MON2: variants seen among roughly 807,000 people sequenced by gnomAD.
The protein encoded by MON2 is MON2 regulator of endosome-to-Golgi trafficking.
In MON2, 84 loss-of-function variants were observed where a neutral mutation model predicts 208.6. The observed-to-expected ratio is 0.40, with a 90% CI of 0.34 to 0.48. The LOEUF is 0.48. Among genes scored for constraint, MON2 ranks in the 20% least tolerant of loss-of-function variants. The pLI, the probability that MON2 is intolerant of heterozygous loss-of-function variation, is 0.59. For missense variants in MON2, 1,611 were observed against 2,015.4 expected, an observed-to-expected ratio of 0.80 and a Z score of 3.84; for synonymous variants, 660 against 694.0, an observed-to-expected ratio of 0.95 and a Z score of 0.77.
chr12:62,535,812 G>C, intron 14 of MON2, 103 bp downstream of exon 14: 1 of 693,374 alleles, frequency 1.4e-6, no homozygotes, highest in Non-Finnish European at 2.0e-6. Flanking sequence ...TTCACATACT[G>C]ACTGTGTGAC....
chr12:62,492,495 C>T lies in MON2; in HGVS notation c.176-1420C>T, dbSNP rs541360552. On this transcript the variant is annotated intron_variant, in intron 2 of 34. Coordinates refer to ENST00000393630, the MANE Select transcript of MON2 (RefSeq NM_015026.3). ...CACGCCATTCTCCTGCCTCAGCCTCCCGAGTAGCTGGGACTACAGGCGCCC... is the reference window on the plus strand; with the variant it reads ...CACGCCATTCTCCTGCCTCAGCCTCTCGAGTAGCTGGGACTACAGGCGCCC... 6.0e-5 allele frequency among the ~76,000 whole-genome samples: 9 copies of T among 149,436 alleles called. No individual in the cohort carries two copies. In the South Asian group the frequency reaches 1.9e-3, roughly 31 times the overall value.
rs190446545 is a variant in MON2 at position 62,508,271 on chromosome 12, T to G, written c.790-15T>G. 6.3e-7 allele frequency: 1 copy of G among 1,595,370 alleles called. No homozygotes were observed. Among genetic ancestry groups the G allele is most frequent in the East Asian group, 2.2e-5 (1 of 44,738 alleles). On this transcript the variant is annotated splice_polypyrimidine_tract_variant and intron_variant, in intron 7 of 34. Coordinates refer to ENST00000393630, the MANE Select transcript of MON2 (RefSeq NM_015026.3). Reference sequence around the variant, plus strand: ...AAGTTAATTATTTTTTTCTTTCTTTTTTCCTTGCAAATAGCACCAAGAATT... The same window carrying G: ...AAGTTAATTATTTTTTTCTTTCTTTGTTCCTTGCAAATAGCACCAAGAATT...
chr12:62,548,787 A>G (rs994719699), intron 22 of MON2, among the ~76,000 whole-genome samples: 2 of 152,154 alleles, frequency 1.3e-5, no homozygotes, highest in African/African-American at 4.8e-5. Flanking sequence ...TATCATTTTC[A>G]TTACTATTTT....
At chr12:62,508,545 G>A in intron 8 of MON2, 65 bp downstream of exon 8, 1 of 1,450,782 alleles carries the variant, frequency 6.9e-7, no homozygotes, top group South Asian at 1.1e-5. Context: ...GTAAAAAGTG[G>A]TCTGTTGTAG....
rs984020628 is a variant in MON2 at position 62,588,970 on chromosome 12, C to G, written c.4990+814C>G. 1.6e-5 allele frequency: 18 copies of G among 1,139,714 alleles called. No homozygotes were observed. The East Asian group carries it at 4.3e-4, about 27-fold the overall frequency. The allele number at this position is 1,139,714 out of a possible 1,614,324, so 70.6% of individuals were successfully genotyped here. A position where few individuals can be genotyped will look rare whatever the true frequency, so the allele number is the denominator to read the frequency against. ...AAAGCTTTTTTATGTGTACTTGTCT[C>G]GAAGCACTCTATTTGTATTACAATT... On this transcript the variant is annotated intron_variant, in intron 34 of 34. Transcript: ENST00000393630.
rs76312909 is a variant in MON2, at chr12:62,481,724, T to C, written c.112-2446T>C. Among the ~76,000 whole-genome samples, 24 of 152,268 alleles carry C rather than the reference T, an allele frequency of 1.6e-4. No individual in the cohort carries two copies. The East Asian group carries it at 4.6e-3, about 29-fold the overall frequency. On this transcript the variant is annotated intron_variant, in intron 1 of 34. Transcript: ENST00000393630. ...CTTCTAGGAGATGTATTAATTTAAT[T>C]TGGGACCTTTCCATTTTCTAAAGTT...
At chr12:62,542,632 C>T (rs1230539683) in intron 19 of MON2, among the ~76,000 whole-genome samples, 3 of 152,140 alleles carry the variant, frequency 2.0e-5, no homozygotes, top group Admixed American at 6.5e-5. Flanking sequence ...GTTTTGTCTT[C>T]GTGTCCTCTG....
At chr12:62,555,353 G>T (rs1376442246) in intron 24 of MON2, among the ~76,000 whole-genome samples, 2 of 147,270 alleles carry the variant, frequency 1.4e-5, no homozygotes, top group East Asian at 4.0e-4. Context: ...CTAATTTTGG[G>T]TTTTTTTTTT....
chr12:62,557,931 TA>T (rs1565683240), intron 25 of MON2, among the ~76,000 whole-genome samples: 28 of 36,878 alleles, frequency 7.6e-4, no homozygotes, highest in African/African-American at 3.3e-3. Context: ...AATAGATTTA[TA>T]TATATATATA....
chr12:62,579,240 T>A (rs2074908276), intron 31 of MON2, among the ~76,000 whole-genome samples: 1 of 150,690 alleles, frequency 6.6e-6, no homozygotes, highest in African/African-American at 2.4e-5. Flanking sequence ...CAAGACCCTG[T>A]CTCTGAAAAA....
chr12:62,555,000 G>A (rs1405644415), intron 24 of MON2, among the ~76,000 whole-genome samples: 1 of 151,706 alleles, frequency 6.6e-6, no homozygotes, highest in African/African-American at 2.4e-5. Flanking sequence ...GTTTCACTGT[G>A]TTAGCCAGGA....
intron 14 of MON2, 37 bp from the exon 15 acceptor site, chr12:62,537,114 T>C (rs771501500): frequency 2.4e-6 from 3 of 1,256,908 alleles, no homozygotes; most frequent in Non-Finnish European, 3.3e-6. Context: ...AATATAAAAA[T>C]ATATTTTAAT....
chr12:62,565,752 C>T (rs1434894407), intron 27 of MON2, among the ~76,000 whole-genome samples: 1 of 152,086 alleles, frequency 6.6e-6, no homozygotes, highest in African/African-American at 2.4e-5. Context: ...CAGATACCTG[C>T]CATGCAAGAT....
At chr12:62,584,810 C>G (rs762966708) in intron 32 of MON2, among the ~76,000 whole-genome samples, 2 of 148,718 alleles carry the variant, frequency 1.3e-5, no homozygotes, top group Non-Finnish European at 3.0e-5. Flanking sequence ...CAGGATATAA[C>G]AGAACAGCGT....
chr12:62,515,873 C>T (rs1423102530), intron 8 of MON2, among the ~76,000 whole-genome samples: 2 of 151,780 alleles, frequency 1.3e-5, no homozygotes, highest in Non-Finnish European at 2.9e-5. Flanking sequence ...ACAGTTGATA[C>T]TACTCAACTG....
intron 8 of MON2, among the ~76,000 whole-genome samples, chr12:62,513,477 C>T (rs1022650263): frequency 1.3e-5 from 2 of 152,070 alleles, no homozygotes; most frequent in East Asian, 2.0e-4. Context: ...CCACCCGCCT[C>T]GGCCTCCCAA....
intron 29 of MON2, among the ~76,000 whole-genome samples, chr12:62,568,816 C>T (rs1021305284): frequency 1.3e-5 from 2 of 152,034 alleles, no homozygotes; most frequent in African/African-American, 4.8e-5. Context: ...CCACGCATGG[C>T]TAATTTTTGT....
At chr12:62,545,141 G>T in intron 21 of MON2, 133 bp downstream of exon 21, 1 of 532,044 alleles carries the variant, frequency 1.9e-6, no homozygotes, top group Non-Finnish European at 3.2e-6. Context: ...TTTATATGTA[G>T]GCCCTGAATC....
chr12:62,522,623 A>G (rs1161368482), intron 8 of MON2, among the ~76,000 whole-genome samples: 6 of 152,198 alleles, frequency 3.9e-5, no homozygotes. Flanking sequence ...AGTTTATGAC[A>G]TATCTGGGTC....
Sources: allele counts gnomAD v4.1 joint callset (sites outside exome capture counted in the v4.1 genomes callset), GRCh38; gene constraint gnomAD v4.1.1; transcripts MANE v1.5; gene names NCBI Gene and HGNC (gene_info 2026-07-23, HGNC 2026-07-21).